The following GFM2 variants were observed in gnomAD, a reference collection of about 807,000 sequenced individuals.
GFM2 encodes the protein GTP dependent ribosome recycling factor mitochondrial 2.
In GFM2, 72 loss-of-function variants were observed where a neutral mutation model predicts 95.4. The ratio of observed to expected loss-of-function variants is 0.76; its 90% CI spans 0.62 to 0.92. The LOEUF is 0.92. Among genes scored for constraint, GFM2 ranks in the 40% least tolerant of loss-of-function variants. The pLI is 0.00. For synonymous variants in GFM2, 276 were observed against 317.5 expected (o/e 0.87, Z 1.39); for missense variants, 825 against 924.1 (o/e 0.89, Z 1.39).
chr5:74,725,223 ATAAC>A (rs1750092731), intron 19 of GFM2: 1 of 163,106 alleles, frequency 6.1e-6, no homozygotes, highest in Non-Finnish European at 1.3e-5. Context: ...TCTTATTTGA[ATAAC>A]AATCTCCAAA....
chr5:74,747,728 A>T lies in GFM2; in HGVS notation c.572T>A (p.Ile191Asn), dbSNP rs758213548. ...TTTGTCCATCTTGTTTAAAAAACAGATTCGAGGTATATTGTGTTTATCAGC... is the reference window on the plus strand; with the variant it reads ...TTTGTCCATCTTGTTTAAAAAACAGTTTCGAGGTATATTGTGTTTATCAGC... Reference protein sequence around the residue: ...RQADKHNIPRICFLNKMDKTG... With the variant: ...RQADKHNIPRNCFLNKMDKTG... Residue 191 changes from isoleucine to asparagine, a missense_variant, in exon 8 of 21, where the codon ATC becomes AAC. By Grantham distance (149) the Ile-to-Asn change is moderately radical. Coordinates refer to ENST00000296805, the MANE Select transcript of GFM2 (RefSeq NM_032380.5). The T allele has an allele frequency of 2.5e-5, 41 of 1,612,552 alleles. No individual in the cohort carries two copies. Among genetic ancestry groups the T allele is most frequent in the Non-Finnish European group, 3.3e-5 (39 of 1,178,932 alleles).
chr5:74,726,426 G>A (rs1243859919), intron 17 of GFM2, among the ~76,000 whole-genome samples: 1 of 151,950 alleles, frequency 6.6e-6, no homozygotes, highest in African/African-American at 2.4e-5. Flanking sequence ...AAAATGTCTT[G>A]TAGGTGATTG....
At position 74,733,088 on chromosome 5, in the gene GFM2, A is replaced by G. The variant is rs771338321; in HGVS notation, c.1521T>C (p.His507=). 2.5e-6 allele frequency: 4 copies of G among 1,609,872 alleles called. No homozygotes were observed. In the Admixed American group the frequency reaches 5.0e-5, roughly 20 times the overall value. Residue 507 remains histidine (H), a synonymous_variant, in exon 16 of 21, where the codon CAT becomes CAC. Transcript: ENST00000296805. ...PSLSKQPDLE[H]ALKCLQREDP... The stretch of plus-strand genomic sequence containing the variant: ...CTTCACGCTGAAGACATTTCAACGC[A>G]TGTTCCAAATCTATGGGATAAACAA...
At chr5:74,745,463 A>G (rs190778103) in intron 10 of GFM2, among the ~76,000 whole-genome samples, 2 of 152,368 alleles carry the variant, frequency 1.3e-5, no homozygotes, top group Admixed American at 6.5e-5. Context: ...ATTAGGTATT[A>G]TAAGTAATTT....
At chr5:74,737,042 ACAC>A (rs1330285393) in intron 14 of GFM2, 57 bp from the exon 15 acceptor site, 49 of 1,560,506 alleles carry the variant, frequency 3.1e-5, no homozygotes, top group Non-Finnish European at 4.2e-5. Context: ...CGCTCATCTT[ACAC>A]CAAGAACCAC....
At chr5:74,728,269 TA>T (rs1750238936) in intron 17 of GFM2, among the ~76,000 whole-genome samples, 1 of 151,980 alleles carries the variant, frequency 6.6e-6, no homozygotes, top group Non-Finnish European at 1.5e-5. Flanking sequence ...TACCAACAAA[TA>T]AACAGTCAAT....
intron 17 of GFM2, among the ~76,000 whole-genome samples, chr5:74,728,385 G>C (rs1750245275): frequency 6.6e-6 from 1 of 152,106 alleles, no homozygotes. Flanking sequence ...TTAAGTAAAA[G>C]TAGAACATCA....
chr5:74,726,609 T>C (rs1327476762), intron 17 of GFM2, among the ~76,000 whole-genome samples: 5 of 152,208 alleles, frequency 3.3e-5, no homozygotes, highest in Non-Finnish European at 2.9e-5. Context: ...TTACAATTTC[T>C]TTCCCAAAAA....
At chr5:74,745,925 T>G in intron 9 of GFM2, 68 bp from the exon 10 acceptor site, 1 of 1,348,030 alleles carries the variant, frequency 7.4e-7, no homozygotes, top group Admixed American at 2.1e-5. Flanking sequence ...ATGACAAGTC[T>G]TTTCTAATTG....
At chr5:74,734,877 A>G (rs1742757026) in intron 15 of GFM2, among the ~76,000 whole-genome samples, 1 of 152,144 alleles carries the variant, frequency 6.6e-6, no homozygotes, top group Admixed American at 6.6e-5. Context: ...CCCATTAATG[A>G]GACTTTGGAT....
At chr5:74,747,986 T>C (rs1561252924) in intron 7 of GFM2, among the ~76,000 whole-genome samples, 2 of 152,028 alleles carry the variant, frequency 1.3e-5, no homozygotes, top group African/African-American at 4.8e-5. Context: ...TGAAGGGGAG[T>C]GTGCTTCAAA....
rs752750933 is a variant in GFM2 at position 74,723,813 on chromosome 5, ATCTT to A, written c.2029-1256_2029-1253del. Reference sequence around the variant, plus strand: ...CAAAATCATCTCAGCTCAAATATAAATCTTTCCAAGAATCCTCCCCAATTCCCTG... The same window carrying A: ...CAAAATCATCTCAGCTCAAATATAAATCCAAGAATCCTCCCCAATTCCCTG... On this transcript the variant is annotated intron_variant, in intron 19 of 20. Transcript: ENST00000296805. Among the ~76,000 whole-genome samples, 224 of 152,182 alleles carry A rather than the reference ATCTT, an allele frequency of 1.5e-3. 4 individuals carry two copies. The highest frequency in any genetic ancestry group is 2.6e-4 in the Non-Finnish European group (18 of 68,018).
chr5:74,748,807 G>A (rs1053286249), intron 7 of GFM2, among the ~76,000 whole-genome samples: 1 of 150,374 alleles, frequency 6.7e-6, no homozygotes, highest in Non-Finnish European at 1.5e-5. Context: ...AGAGGTTACA[G>A]TGAGCCAAGA....
rs1743708074 is a variant in GFM2 at position 74,751,463 on chromosome 5, A to T, written c.335T>A (p.Phe112Tyr). 2.5e-6 allele frequency: 4 copies of T among 1,610,172 alleles called. No individual in the cohort carries two copies. The highest frequency in any genetic ancestry group is 3.4e-6 in the Non-Finnish European group (4 of 1,176,580). ...GCCTCTTTCTCGCTCTTGGGCCATG[A>T]AATCTGTCACTGTGTCTCCATCATC... ...DVDDGDTVTD[F>Y]MAQERERGIT... The change falls in exon 6 of 21, where the codon TTC (phenylalanine) becomes TAC (tyrosine). Residue 112 changes from phenylalanine to tyrosine, a missense_variant. Phe to Tyr is a conservative substitution (Grantham distance 22). Transcript: ENST00000296805.
At chr5:74,747,575 T>G (rs534438015) in intron 8 of GFM2, 117 bp downstream of exon 8, 5 of 604,498 alleles carry the variant, frequency 8.3e-6, no homozygotes, top group East Asian at 2.9e-5. Context: ...CATGGAATAT[T>G]TATACCCTAT....
At chr5:74,730,570 C>T (rs1323342811) in intron 16 of GFM2, 172 bp from the exon 17 acceptor site, 2 of 434,228 alleles carry the variant, frequency 4.6e-6, no homozygotes, top group Non-Finnish European at 8.0e-6. Context: ...ACTTTTCTGA[C>T]TGGAATAATG....
intron 17 of GFM2, 112 bp downstream of exon 17, chr5:74,730,148 T>C: frequency 9.9e-7 from 1 of 1,006,234 alleles, no homozygotes; most frequent in Non-Finnish European, 1.4e-6. Context: ...ACATAAAAAC[T>C]GTCTCCTCTG....
chr5:74,722,318 T>C (rs1279373946), intron 20 of GFM2, 61 bp downstream of exon 20: 2 of 1,272,742 alleles, frequency 1.6e-6, no homozygotes, highest in Non-Finnish European at 2.2e-6. Flanking sequence ...TGTCTATTCA[T>C]TGGCATATAA....
At chr5:74,752,888 A>G (rs1743788684) in intron 5 of GFM2, among the ~76,000 whole-genome samples, 1 of 152,200 alleles carries the variant, frequency 6.6e-6, no homozygotes, top group African/African-American at 2.4e-5. Flanking sequence ...GCACCCCGTG[A>G]AACAAAAGAA....
Sources: gnomAD v4.1 joint callset for allele counts (sites outside exome capture counted in the v4.1 genomes callset) on GRCh38, gnomAD v4.1.1 for gene constraint, MANE v1.5 for transcripts, NCBI Gene and HGNC (gene_info 2026-07-23, HGNC 2026-07-21) for gene names.